Variants in PPP2R2A observed in about 807,000 individuals in gnomAD.
The protein encoded by PPP2R2A is protein phosphatase 2 regulatory subunit Balpha.
Under a neutral mutation model 53.2 loss-of-function variants are expected in PPP2R2A, and 9 were observed. The observed-to-expected ratio is 0.17, with a 90% CI of 0.10 to 0.30. The LOEUF is 0.30. PPP2R2A is among the 10% of genes least tolerant of loss of function. The probability of loss-of-function intolerance (pLI) is 1.00; values close to 1 mark genes in which losing one functional copy is unlikely to be tolerated. For synonymous variants in PPP2R2A, 169 were observed against 174.2 expected (o/e 0.97, Z 0.23); for missense variants, 235 against 534.6 (o/e 0.44, Z 5.53).
chr8:26,370,122 C>G lies in PPP2R2A; in HGVS notation c.1065-12C>G, dbSNP rs1185081954. 1.9e-6 allele frequency: 3 copies of G among 1,610,766 alleles called. No individual in the cohort carries two copies. Among genetic ancestry groups the G allele is most frequent in the South Asian group, 2.2e-5 (2 of 90,872 alleles). Reference sequence around the variant, plus strand: ...CTGCTTGTTTGACTGAGTGTACTGTCTATTTTCACAGTGTTGTCATGACTG... The same window carrying G: ...CTGCTTGTTTGACTGAGTGTACTGTGTATTTTCACAGTGTTGTCATGACTG... On this transcript the variant is annotated splice_polypyrimidine_tract_variant and intron_variant, in intron 9 of 9. Coordinates refer to ENST00000380737, the MANE Select transcript of PPP2R2A (RefSeq NM_002717.4). This position sits in a 1 kb window ranked among gnomAD's most constrained non-coding sequence, Gnocchi z 6.1.
At chr8:26,303,536 A>G (rs1210630793) in intron 2 of PPP2R2A, among the ~76,000 whole-genome samples, 1 of 152,216 alleles carries the variant, frequency 6.6e-6, no homozygotes, top group Non-Finnish European at 1.5e-5. Flanking sequence ...CAACTTAACT[A>G]CTGAAGGGAA....
chr8:26,348,178 A>G (rs1016504727), intron 3 of PPP2R2A, among the ~76,000 whole-genome samples: 2 of 152,184 alleles, frequency 1.3e-5, no homozygotes, highest in Non-Finnish European at 2.9e-5. Flanking sequence ...GCTTAAAAAT[A>G]TTCATTTATT....
intron 2 of PPP2R2A, among the ~76,000 whole-genome samples, chr8:26,302,095 T>C (rs971445728): frequency 6.6e-6 from 1 of 152,188 alleles, no homozygotes; most frequent in African/African-American, 2.4e-5. Context: ...GGAACAGCAT[T>C]GGTGCAGCTG....
At chr8:26,330,971 T>A (rs1013396196) in intron 2 of PPP2R2A, among the ~76,000 whole-genome samples, 1 of 152,218 alleles carries the variant, frequency 6.6e-6, no homozygotes, top group African/African-American at 2.4e-5. Context: ...GACACTCTTG[T>A]GAGAACTCTA....
At chr8:26,334,676 C>G (rs1015178915) in intron 2 of PPP2R2A, among the ~76,000 whole-genome samples, 1 of 151,782 alleles carries the variant, frequency 6.6e-6, no homozygotes, top group Admixed American at 6.6e-5. Context: ...ACCCGGGAGG[C>G]GGAGGTTGCA....
rs573763947 is a variant in PPP2R2A at position 26,355,491 on chromosome 8, C to A, written c.346+858C>A. ...ATTCCTGGGCTCAAGCAGTCTGCCC[C>A]GCTCAGTCTCCCAAAGTGCTGGGAT... is the stretch of plus-strand genomic sequence containing the variant. On this transcript the variant is annotated intron_variant, in intron 4 of 9. Transcript: ENST00000380737. Among the ~76,000 whole-genome samples the A allele has an allele frequency of 2.6e-5, 4 of 152,220 alleles. No homozygotes were observed. The East Asian group carries it at 7.7e-4, about 29-fold the overall frequency.
intron 2 of PPP2R2A, among the ~76,000 whole-genome samples, chr8:26,325,794 A>AC (rs758875532): frequency 6.6e-6 from 1 of 152,162 alleles, no homozygotes; most frequent in Non-Finnish European, 1.5e-5. Context: ...TGATGATTAA[A>AC]TACCTAACAT....
intron 3 of PPP2R2A, among the ~76,000 whole-genome samples, chr8:26,342,236 G>C (rs373867014): frequency 2.2e-4 from 34 of 152,310 alleles, no homozygotes; most frequent in African/African-American, 7.5e-4. Flanking sequence ...ATCAGTGAGA[G>C]TCCAAAATTC....
In PPP2R2A at chr8:26,326,715, A is replaced by G. The variant is rs145800502; in HGVS notation, c.83-12175A>G. On this transcript the variant is annotated intron_variant, in intron 2 of 9. Coordinates refer to ENST00000380737, the MANE Select transcript of PPP2R2A (RefSeq NM_002717.4). ...ATAATCTCCTTGAGAAGCTATTTAC[A>G]TTATACTTAATAAGGCCACTGAATG... is the stretch of plus-strand genomic sequence containing the variant. Among the ~76,000 whole-genome samples, 32 of 152,344 alleles carry G rather than the reference A, an allele frequency of 2.1e-4. 1 individual carries two copies. In the East Asian group the frequency reaches 6.2e-3, roughly 29 times the overall value.
chr8:26,299,776 GT>G (rs1461900256), intron 2 of PPP2R2A, among the ~76,000 whole-genome samples: 7 of 149,592 alleles, frequency 4.7e-5, no homozygotes, highest in African/African-American at 1.7e-4. Context: ...CGTCTTCTGT[GT>G]TTCTTAGAGT....
chr8:26,355,043 G>T (rs1311622140), intron 4 of PPP2R2A, among the ~76,000 whole-genome samples: 1 of 152,184 alleles, frequency 6.6e-6, no homozygotes, highest in Non-Finnish European at 1.5e-5. Context: ...ATGAGTGCAA[G>T]TGCTCAATAA....
intron 3 of PPP2R2A, among the ~76,000 whole-genome samples, chr8:26,351,028 T>C (rs1804476466): frequency 6.6e-6 from 1 of 152,110 alleles, no homozygotes; most frequent in Non-Finnish European, 1.5e-5. Flanking sequence ...ACCCACACAT[T>C]TGTTAGAAGT....
chr8:26,351,375 A>G (rs1357450124), intron 3 of PPP2R2A, among the ~76,000 whole-genome samples: 49 of 152,144 alleles, frequency 3.2e-4, no homozygotes, highest in Non-Finnish European at 5.9e-5. Context: ...AAATAAGTAA[A>G]TAAATAAATT....
chr8:26,361,981 A>T lies in PPP2R2A; in HGVS notation c.638-703A>T, dbSNP rs975507594. Among the ~76,000 whole-genome samples, 7 of 148,968 alleles carry T rather than the reference A, an allele frequency of 4.7e-5. No individual in the cohort carries two copies. The East Asian group carries it at 1.4e-3, about 29-fold the overall frequency. On this transcript the variant is annotated intron_variant, in intron 6 of 9. Transcript: ENST00000380737. ...TGTCTCAAAAAATATATATATATAG[A>T]TTTATATATATTATATTAATTGATA...
In PPP2R2A at chr8:26,372,003, CTGAG is replaced by C. The variant is rs1460752058; in HGVS notation, c.*1593_*1596del. On this transcript the variant is annotated 3_prime_UTR_variant, in exon 10 of 10. Coordinates refer to ENST00000380737, the MANE Select transcript of PPP2R2A (RefSeq NM_002717.4). ...TAACAACCTTGAATTTCAGAGGACT[CTGAG>C]TGCTTCTATGTCCACTACCTATTGT... 1 of 152,156 alleles carries C rather than the reference CTGAG, an allele frequency of 6.6e-6. No individual in the cohort carries two copies. Among genetic ancestry groups the C allele is most frequent in the East Asian group, 1.9e-4 (1 of 5,190 alleles). 9.4% of individuals were successfully genotyped at this position (152,156 alleles called of 1,614,324 possible).
Position 26,370,531 on chromosome 8 carries a change from G to A in PPP2R2A, c.*118G>A. The A allele has an allele frequency of 1.7e-6, 2 of 1,175,680 alleles. No individual in the cohort carries two copies. The highest frequency in any genetic ancestry group is 2.4e-6 in the Non-Finnish European group (2 of 833,038). 72.8% of individuals were successfully genotyped at this position (1,175,680 alleles called of 1,614,324 possible). On this transcript the variant is annotated 3_prime_UTR_variant, in exon 10 of 10. Transcript: ENST00000380737. The surrounding 1 kb of genome is among the most constrained non-coding windows in gnomAD (Gnocchi z 6.1). ...GCGCCCCTTTCCAGTGTTTGACAGTGTGCCATTCGACAACACATTGTTATA... is the reference window on the plus strand; with the variant it reads ...GCGCCCCTTTCCAGTGTTTGACAGTATGCCATTCGACAACACATTGTTATA...
In PPP2R2A at chr8:26,323,528, G is replaced by A. The variant is rs374740297; in HGVS notation, c.83-15362G>A. On this transcript the variant is annotated intron_variant, in intron 2 of 9. Coordinates refer to ENST00000380737, the MANE Select transcript of PPP2R2A (RefSeq NM_002717.4). ...CTCTGACCAAGTGGCCATACATAGA[G>A]GTTACCAAGACCTCCTTCTTGGGTT... 2.0e-5 allele frequency among the ~76,000 whole-genome samples: 3 copies of A among 152,286 alleles called. No homozygotes were observed. The East Asian group carries it at 5.8e-4, about 29-fold the overall frequency.
chr8:26,310,667 CCT>C (rs1491093380), intron 2 of PPP2R2A, among the ~76,000 whole-genome samples: 163 of 33,812 alleles, frequency 4.8e-3, no homozygotes, highest in Non-Finnish European at 5.4e-3. Context: ...TTTTTTTTTT[CCT>C]TTTTTTTTTT....
At chr8:26,333,312 A>G (rs550890988) in intron 2 of PPP2R2A, among the ~76,000 whole-genome samples, 2 of 152,320 alleles carry the variant, frequency 1.3e-5, no homozygotes, top group African/African-American at 2.4e-5. Flanking sequence ...ACCTGTGACT[A>G]GAGGTTACTT....
Sources: allele counts gnomAD v4.1 joint callset (sites outside exome capture counted in the v4.1 genomes callset), GRCh38; gene constraint gnomAD v4.1.1; non-coding constraint Gnocchi (gnomAD v3.1); transcripts MANE v1.5; gene names NCBI Gene and HGNC (gene_info 2026-07-23, HGNC 2026-07-21).